The following CIC variants were observed in gnomAD, a reference collection of about 807,000 sequenced individuals.
The protein encoded by CIC is capicua transcriptional repressor.
CIC carries 18 observed loss-of-function variants against 115.7 expected under a neutral mutation model. The observed-to-expected ratio is 0.16, with a 90% CI of 0.11 to 0.23. The LOEUF is 0.23. CIC is among the 10% of genes least tolerant of loss of function. CIC has a pLI of 1.00. For synonymous variants in CIC, 1,076 were observed against 923.0 expected, an observed-to-expected ratio of 1.17 and a Z score of -3.01; for missense variants, 2,000 against 2,159.3, an observed-to-expected ratio of 0.93 and a Z score of 1.46.
chr19:42,291,493 G>T (rs373358653), intron 11 of CIC, 27 bp downstream of exon 11: 1 of 1,613,170 alleles, frequency 6.2e-7, no homozygotes, highest in Admixed American at 1.7e-5. Context: ...GCAGCACTAG[G>T]GGAGGGGCCA....
At position 42,294,308 on chromosome 19, in the gene CIC, C is replaced by A. The variant is rs572168958; in HGVS notation, c.7054+4C>A. The A allele has an allele frequency of 4.0e-5, 64 of 1,612,708 alleles. No homozygotes were observed. The Middle Eastern group carries it at 5.0e-4, about 12-fold the overall frequency. On this transcript the variant is annotated splice_donor_region_variant and intron_variant, in intron 19 of 20. Transcript: ENST00000681038. ...ATCTTCACCTTTGACCGTACAGGTG[C>A]CGTGGTGGGCAGAACTTTGGGGGCC...
intron 2 of CIC, among the ~76,000 whole-genome samples, chr19:42,277,294 A>G (rs1295333497): frequency 2.0e-5 from 3 of 152,158 alleles, no homozygotes; most frequent in Admixed American, 6.5e-5. Flanking sequence ...CAGTAGCGCA[A>G]TCTTGGTTCA....
chr19:42,286,385 AC>A (rs1228817043), intron 2 of CIC, among the ~76,000 whole-genome samples: 1 of 151,638 alleles, frequency 6.6e-6, no homozygotes, highest in African/African-American at 2.4e-5. Flanking sequence ...ATGTGGCATG[AC>A]GGGGGTGGGG....
rs1395155839 is a variant in CIC, at chr19:42,290,870, C to T, written c.4829C>T (p.Pro1610Leu). The T allele has an allele frequency of 1.2e-6, 2 of 1,612,788 alleles. No individual in the cohort carries two copies. Among genetic ancestry groups the T allele is most frequent in the African/African-American group, 2.7e-5 (2 of 74,928 alleles). ...ACCTCTGGCCGGGCTGAGGCGTCTC[C>T]AAATGACACAGCAGGTGCCAGGACT... ...FPTSGRAEAS[P>L]NDTAGARTEM... Residue 1610 changes from proline to leucine, a missense_variant, in exon 11 of 21, where the codon CCA becomes CTA. Coordinates refer to ENST00000681038, the MANE Select transcript of CIC (RefSeq NM_001386298.1).
Position 42,290,966 on chromosome 19 carries a change from A to G in CIC, c.4925A>G (p.Lys1642Arg). Reference sequence around the variant, plus strand: ...GTCAGCTTAGTGTATTCGGACAAGAAGTCGGCAGCAGCCACCTCACCAGCC... The same window carrying G: ...GTCAGCTTAGTGTATTCGGACAAGAGGTCGGCAGCAGCCACCTCACCAGCC... The part of the protein sequence containing the change: ...LGVSLVYSDK[K>R]SAAATSPAPH... Residue 1642 changes from lysine (K) to arginine (R), a missense_variant, in exon 11 of 21, where the codon AAG (lysine) becomes AGG (arginine). Physicochemically the swap from Lys to Arg is conservative, Grantham distance 26. Around this residue, in one of 8 missense-constraint regions of CIC, gnomAD observed 1,466 missense variants for 1,390.4 expected, o/e 1.05. Coordinates refer to ENST00000681038, the MANE Select transcript of CIC (RefSeq NM_001386298.1). 2 of 1,613,738 alleles carry G rather than the reference A, an allele frequency of 1.2e-6. No homozygotes were observed. The highest frequency in any genetic ancestry group is 8.5e-7 in the Non-Finnish European group (1 of 1,179,990).
chr19:42,286,954 G>T, intron 3 of CIC, 34 bp downstream of exon 3: 1 of 1,608,674 alleles, frequency 6.2e-7, no homozygotes, highest in Non-Finnish European at 8.5e-7. Flanking sequence ...GGAGGCAAGG[G>T]TGTGGGGTCC....
In CIC at chr19:42,290,982, C is replaced by T. The variant is rs1402103607; in HGVS notation, c.4941C>T (p.Thr1647=). The part of the protein sequence containing the change: ...VYSDKKSAAA[T]SPAPHLVAGP... Reference sequence around the variant, plus strand: ...CGGACAAGAAGTCGGCAGCAGCCACCTCACCAGCCCCACACTTGGTGGCTG... The same window carrying T: ...CGGACAAGAAGTCGGCAGCAGCCACTTCACCAGCCCCACACTTGGTGGCTG... Residue 1647 remains threonine, a synonymous_variant, in exon 11 of 21, where the codon ACC becomes ACT. Transcript: ENST00000681038. 5 of 1,613,678 alleles carry T rather than the reference C, an allele frequency of 3.1e-6. No individual in the cohort carries two copies. Among genetic ancestry groups the T allele is most frequent in the African/African-American group, 2.7e-5 (2 of 74,924 alleles).
Position 42,274,084 on chromosome 19 carries a change from G to T in CIC, c.2301G>T (p.Val767=), listed in dbSNP as rs2036879334. The T allele has an allele frequency of 2.5e-5, 10 of 399,718 alleles. No individual in the cohort carries two copies. The East Asian group carries it at 3.6e-4, about 14-fold the overall frequency. The allele number at this position is 399,718 out of a possible 1,614,324, so 24.8% of individuals were successfully genotyped here. The part of the protein sequence containing the change: ...TPSTPAGFRA[V]SPAVPFSRSR... ...CCACGCCGGCTGGCTTCCGGGCCGT[G>T]TCCCCTGCTGTGCCCTTCTCTCGCT... The change falls in exon 2 of 21, where the codon GTG becomes GTT. Residue 767 remains valine (V), a synonymous_variant. Transcript: ENST00000681038.
rs1181912349 is a variant in CIC at position 42,273,652 on chromosome 19, G to A, written c.1869G>A (p.Ser623=). ...TPSFSPVSTQ[S]PFSPAPSPSP... is the part of the protein sequence containing the mutation. Reference sequence around the variant, plus strand: ...CCTTCTCACCCGTCTCCACTCAATCGCCCTTCTCGCCAGCCCCATCACCCT... The same window carrying A: ...CCTTCTCACCCGTCTCCACTCAATCACCCTTCTCGCCAGCCCCATCACCCT... The change falls in exon 2 of 21, where the codon TCG becomes TCA. Residue 623 remains serine (S), a synonymous_variant. Coordinates refer to ENST00000681038, the MANE Select transcript of CIC (RefSeq NM_001386298.1). 5.0e-6 allele frequency: 2 copies of A among 398,748 alleles called. No individual in the cohort carries two copies. Among genetic ancestry groups the A allele is most frequent in the Non-Finnish European group, 8.8e-6 (2 of 226,080 alleles). The allele number at this position is 398,748 out of a possible 1,614,324, so 24.7% of individuals were successfully genotyped here. A position where few individuals can be genotyped will look rare whatever the true frequency, so the allele number is the denominator to read the frequency against.
At chr19:42,271,577 A>G (rs757256345) in intron 1 of CIC, among the ~76,000 whole-genome samples, 197 bp from the exon 2 acceptor site, 3 of 152,178 alleles carry the variant, frequency 2.0e-5, no homozygotes, top group Non-Finnish European at 4.4e-5. Context: ...CAGAGTGTGT[A>G]TACTCAGGGG....
intron 13 of CIC, 41 bp from the exon 14 acceptor site, chr19:42,292,259 C>A (rs1317767946): frequency 6.2e-7 from 1 of 1,613,698 alleles, no homozygotes. Flanking sequence ...TGGGGCGGGG[C>A]CGGCTTACCT....
chr19:42,269,225 G>T (rs2036668275), upstream of CIC: 1 of 151,878 alleles, frequency 6.6e-6, no homozygotes, highest in Admixed American at 6.6e-5. Context: ...TGATTGGCTG[G>T]CTGCTCCAGC....
At chr19:42,284,836 C>T (rs775182883) in intron 2 of CIC, 145 of 1,345,700 alleles carry the variant, frequency 1.1e-4, no homozygotes, top group Non-Finnish European at 1.5e-4. Flanking sequence ...TGCGGAGTAA[C>T]GGTGGTGGGG....
chr19:42,283,370 G>A lies in CIC; in HGVS notation c.2795-3401G>A, dbSNP rs542343486. ...GTGACAGGGCATGGATGAGATGGGT[G>A]ATGTGAACAGGATGGGTGAATGCAC... On this transcript the variant is annotated intron_variant, in intron 2 of 20. Coordinates refer to ENST00000681038, the MANE Select transcript of CIC (RefSeq NM_001386298.1). 8.5e-5 allele frequency among the ~76,000 whole-genome samples: 13 copies of A among 152,246 alleles called. No individual in the cohort carries two copies. The East Asian group carries it at 9.6e-4, about 11-fold the overall frequency.
chr19:42,289,234 A>G lies in CIC; in HGVS notation c.3915A>G (p.Gly1305=). The G allele has an allele frequency of 6.2e-7, 1 of 1,613,546 alleles. No individual in the cohort carries two copies. The highest frequency in any genetic ancestry group is 1.7e-5 in the Admixed American group (1 of 60,034). The change falls in exon 9 of 21, where the codon GGA becomes GGG. Residue 1305 remains glycine (G), a synonymous_variant. Coordinates refer to ENST00000681038, the MANE Select transcript of CIC (RefSeq NM_001386298.1). The stretch of plus-strand genomic sequence containing the variant: ...GCCCAAAGCCTTCTACCCAGTATGG[A>G]GCTCCAGGACCCTTTGCAGCCCCTG... The part of the protein sequence containing the change: ...YSGPKPSTQY[G]APGPFAAPGE...
chr19:42,279,568 G>A (rs1198887367), intron 2 of CIC, among the ~76,000 whole-genome samples: 1 of 152,272 alleles, frequency 6.6e-6, no homozygotes, highest in Non-Finnish European at 1.5e-5. Flanking sequence ...ACCAGGAAGA[G>A]TGAAAGTGCA....
chr19:42,282,144 G>T (rs1028934260), intron 2 of CIC, among the ~76,000 whole-genome samples: 1 of 152,202 alleles, frequency 6.6e-6, no homozygotes, highest in Admixed American at 6.5e-5. Flanking sequence ...GCATAGGAAG[G>T]AGGGGGCAGT....
Position 42,295,382 on chromosome 19 carries a change from G to A in CIC, c.*191G>A. 5.1e-6 allele frequency: 3 copies of A among 590,240 alleles called. No individual in the cohort carries two copies. The highest frequency in any genetic ancestry group is 2.9e-5 in the East Asian group (1 of 34,764). 36.6% of individuals were successfully genotyped at this position (590,240 alleles called of 1,614,324 possible). ...CTCCCGGTGCTGGGGGGCAGCTGAG[G>A]GGCTGCAGGGGCAGTCTCCCTCCTC... On this transcript the variant is annotated 3_prime_UTR_variant, in exon 21 of 21. Transcript: ENST00000681038.
At position 42,293,040 on chromosome 19, in the gene CIC, C is replaced by T; in HGVS notation, c.6281C>T (p.Ala2094Val). 1 of 1,613,016 alleles carries T rather than the reference C, an allele frequency of 6.2e-7. No homozygotes were observed. Among genetic ancestry groups the T allele is most frequent in the Non-Finnish European group, 8.5e-7 (1 of 1,179,868 alleles). Residue 2094 changes from alanine (A) to valine (V), a missense_variant, in exon 16 of 21, where the codon GCC becomes GTC. This residue lies in a region of CIC where 1,466 missense variants were observed against 1,390.4 expected (regional missense o/e 1.05). Coordinates refer to ENST00000681038, the MANE Select transcript of CIC (RefSeq NM_001386298.1). The stretch of plus-strand genomic sequence containing the variant: ...CCCCAGAAAGTGAAGGCAGCCATCG[C>T]CAGCATTCCCGTGGGGTCCTTTGAG... The part of the protein sequence containing the change: ...KAPQKVKAAI[A>V]SIPVGSFEAG...
Sources: allele counts gnomAD v4.1 joint callset (sites outside exome capture counted in the v4.1 genomes callset), GRCh38; gene constraint gnomAD v4.1.1; regional missense constraint gnomAD v4.1.1; transcripts MANE v1.5; gene names NCBI Gene and HGNC (gene_info 2026-07-23, HGNC 2026-07-21).